ETV6: variants seen among roughly 807,000 people sequenced by gnomAD.
ETV6 encodes transcription factor ETV6.
A neutral mutation model predicts 51.1 loss-of-function variants in ETV6; 16 were observed. The observed-to-expected ratio is 0.31, with a 90% CI of 0.21 to 0.48. ETV6 has a LOEUF of 0.48. Ranked by LOEUF, ETV6 falls within the 20% of genes least tolerant of loss-of-function variation. ETV6 has a pLI of 0.99. For synonymous variants in ETV6, 240 were observed against 224.1 expected, an observed-to-expected ratio of 1.07 and a Z score of -0.64; for missense variants, 458 against 594.8, an observed-to-expected ratio of 0.77 and a Z score of 2.39.
At chr12:11,881,438 C>T (rs999282964) in intron 5 of ETV6, among the ~76,000 whole-genome samples, 6 of 152,174 alleles carry the variant, frequency 3.9e-5, no homozygotes, top group African/African-American at 1.4e-4. Context: ...GTAGTTGGTA[C>T]GCAATAGATA....
At chr12:11,700,898 G>A (rs1323672774) in intron 1 of ETV6, among the ~76,000 whole-genome samples, 3 of 152,070 alleles carry the variant, frequency 2.0e-5, no homozygotes, top group African/African-American at 7.2e-5. Flanking sequence ...CATGCTGTTC[G>A]AGGGTCCACT....
At chr12:11,662,353 G>A (rs749839735) in intron 1 of ETV6, among the ~76,000 whole-genome samples, 7 of 152,190 alleles carry the variant, frequency 4.6e-5, no homozygotes, top group Non-Finnish European at 7.3e-5. Flanking sequence ...GAAGAGGTGG[G>A]CCCAGTGGCA....
intron 1 of ETV6, among the ~76,000 whole-genome samples, chr12:11,726,646 T>TAG (rs1209167460): frequency 2.0e-5 from 3 of 151,986 alleles, no homozygotes; most frequent in Non-Finnish European, 4.4e-5. Flanking sequence ...GGGGCATGCC[T>TAG]AGAGTCCCAG....
At chr12:11,791,160 G>T (rs574592011) in intron 2 of ETV6, among the ~76,000 whole-genome samples, 15 of 152,272 alleles carry the variant, frequency 9.9e-5, no homozygotes, top group Admixed American at 7.8e-4. Context: ...GGTTTGCTAA[G>T]TAAATTACCA....
intron 7 of ETV6, among the ~76,000 whole-genome samples, chr12:11,887,977 C>G (rs2855759): frequency 6.6e-5 from 10 of 152,106 alleles, no homozygotes; most frequent in Non-Finnish European, 1.3e-4. Flanking sequence ...CCAGAAGGGA[C>G]TGTTGCCAGA....
At chr12:11,735,942 C>T (rs530880798) in intron 1 of ETV6, among the ~76,000 whole-genome samples, 1 of 152,282 alleles carries the variant, frequency 6.6e-6, no homozygotes, top group South Asian at 2.1e-4. Flanking sequence ...TTGCTGAATC[C>T]CAAGTTTTTA....
At chr12:11,882,010 G>T (rs1947104590) in intron 5 of ETV6, among the ~76,000 whole-genome samples, 1 of 152,202 alleles carries the variant, frequency 6.6e-6, no homozygotes, top group Non-Finnish European at 1.5e-5. Context: ...AATAGAAGTG[G>T]CTGGACAGCT....
chr12:11,722,508 C>T (rs1483043562), intron 1 of ETV6, among the ~76,000 whole-genome samples: 1 of 152,206 alleles, frequency 6.6e-6, no homozygotes, highest in African/African-American at 2.4e-5. Context: ...TTTTGGGGCA[C>T]TGCAGCCTAT....
intron 1 of ETV6, among the ~76,000 whole-genome samples, chr12:11,691,995 G>A (rs146964353): frequency 1.3e-4 from 20 of 152,236 alleles, no homozygotes; most frequent in African/African-American, 4.6e-4. Context: ...GACTTCATAG[G>A]AGACAAGACA....
chr12:11,795,265 TA>T (rs997287864), intron 2 of ETV6, among the ~76,000 whole-genome samples: 13 of 152,394 alleles, frequency 8.5e-5, no homozygotes, highest in African/African-American at 2.9e-4. Flanking sequence ...TGGGATAACT[TA>T]GAGAAAGCCC....
chr12:11,893,810 A>C lies in ETV6; in HGVS notation c.*2764A>C, dbSNP rs1449279873. The C allele has an allele frequency of 2.5e-5, 2 of 79,180 alleles. No homozygotes were observed. Among genetic ancestry groups the C allele is most frequent in the African/African-American group, 1.3e-4 (2 of 15,156 alleles). 4.9% of individuals were successfully genotyped at this position (79,180 alleles called of 1,614,324 possible). A position where few individuals can be genotyped will look rare whatever the true frequency, so the allele number is the denominator to read the frequency against. On this transcript the variant is annotated 3_prime_UTR_variant, in exon 8 of 8. Transcript: ENST00000396373. ...TCTCTCATTTTATATATATATATAT[A>C]TATATATATATATATATATATATAT...
At chr12:11,866,773 T>C (rs1044310436) in intron 4 of ETV6, among the ~76,000 whole-genome samples, 6 of 152,226 alleles carry the variant, frequency 3.9e-5, no homozygotes, top group Admixed American at 1.3e-4. Context: ...TATACAACTG[T>C]TGCTTTTCAC....
intron 1 of ETV6, chr12:11,716,633 C>G (rs1353217086): frequency 6.6e-6 from 1 of 152,226 alleles, no homozygotes; most frequent in East Asian, 1.9e-4. Context: ...AGAGCTGCAG[C>G]TGGACTGCCT....
chr12:11,795,577 G>C (rs768893793), intron 2 of ETV6, among the ~76,000 whole-genome samples: 2 of 152,238 alleles, frequency 1.3e-5, no homozygotes, highest in Non-Finnish European at 2.9e-5. Context: ...TGGAAGTTCA[G>C]CTTGTCACTT....
At chr12:11,798,587 G>A (rs1945708470) in intron 2 of ETV6, among the ~76,000 whole-genome samples, 1 of 152,082 alleles carries the variant, frequency 6.6e-6, no homozygotes, top group Non-Finnish European at 1.5e-5. Flanking sequence ...CTGTAATGAG[G>A]AAATAAGTTA....
At chr12:11,887,758 A>G (rs1004676820) in intron 7 of ETV6, among the ~76,000 whole-genome samples, 1 of 151,706 alleles carries the variant, frequency 6.6e-6, no homozygotes, top group Admixed American at 6.6e-5. Flanking sequence ...AGAAAAAAAA[A>G]AAAAAAAGAA....
Position 11,892,210 on chromosome 12 carries a change from A to ATTTTTTTTTTTTTTTTTTTTG in ETV6, c.*1184_*1185insGTTTTTTTTTTTTTTTTTTTT, listed in dbSNP as rs1947301811. On this transcript the variant is annotated 3_prime_UTR_variant, in exon 8 of 8. Coordinates refer to ENST00000396373, the MANE Select transcript of ETV6 (RefSeq NM_001987.5). ...GTGGTCAGTTTCATGCCCTCACCTG[A>ATTTTTTTTTTTTTTTTTTTTG]TTTTTTTTTTTTTTTTTTTTTTTCA... 1 of 142,254 alleles carries ATTTTTTTTTTTTTTTTTTTTG rather than the reference A, an allele frequency of 7.0e-6. No homozygotes were observed. The highest frequency in any genetic ancestry group is 4.2e-5 in the African/African-American group (1 of 23,878). The allele number at this position is 142,254 out of a possible 1,614,324, so 8.8% of individuals were successfully genotyped here. A position where few individuals can be genotyped will look rare whatever the true frequency, so the allele number is the denominator to read the frequency against.
intron 1 of ETV6, among the ~76,000 whole-genome samples, chr12:11,703,779 G>A (rs1591619990): frequency 1.3e-5 from 2 of 152,224 alleles, no homozygotes; most frequent in South Asian, 2.1e-4. Context: ...TTCCTGGATG[G>A]GAGTTTGAAC....
At chr12:11,656,378 C>T (rs919569265) in intron 1 of ETV6, among the ~76,000 whole-genome samples, 2 of 152,156 alleles carry the variant, frequency 1.3e-5, no homozygotes, top group African/African-American at 2.4e-5. Context: ...CTTGAAGTGA[C>T]GGGTGGCTGG....
Sources: gnomAD v4.1 joint callset for allele counts (sites outside exome capture counted in the v4.1 genomes callset) on GRCh38, gnomAD v4.1.1 for gene constraint, MANE v1.5 for transcripts, NCBI Gene and HGNC (gene_info 2026-07-23, HGNC 2026-07-21) for gene names.